Variants in CPA6 observed in about 807,000 individuals in gnomAD.
CPA6 encodes carboxypeptidase A6, also known as carboxypeptidase B.
Under a neutral mutation model 63.3 loss-of-function variants are expected in CPA6, and 58 were observed. That is an observed-to-expected ratio of 0.92 (90% confidence interval 0.74 to 1.14). The LOEUF (loss-of-function observed/expected upper bound fraction) is 1.14, where lower values mean the gene tolerates loss of function less well. Among genes scored for constraint, CPA6 ranks in the 50% most tolerant of loss-of-function variants. The pLI is 0.00. For synonymous variants in CPA6, 185 were observed against 179.0 expected (o/e 1.03, Z -0.27); for missense variants, 565 against 526.6 (o/e 1.07, Z -0.71).
chr8:67,718,900 CT>C (rs1172028874), intron 1 of CPA6, among the ~76,000 whole-genome samples: 17 of 152,124 alleles, frequency 1.1e-4, no homozygotes, highest in Non-Finnish European at 1.9e-4. Context: ...CCACCTCGGC[CT>C]CCTGAAGTGC....
intron 9 of CPA6, 103 bp from the exon 10 acceptor site, chr8:67,428,234 T>A: frequency 1.6e-6 from 1 of 641,540 alleles, no homozygotes; most frequent in Admixed American, 2.8e-5. Context: ...ATGGCTTCAT[T>A]GGTTAAGATC....
intron 2 of CPA6, among the ~76,000 whole-genome samples, chr8:67,610,658 TGTCTATGGCGAA>T (rs1260206553): frequency 6.6e-6 from 1 of 152,198 alleles, no homozygotes; most frequent in African/African-American, 2.4e-5. Context: ...GAACCATGTT[TGTCTATGGCGAA>T]GTTCCAGCTT....
intron 2 of CPA6, among the ~76,000 whole-genome samples, chr8:67,592,697 G>T (rs1358277166): frequency 6.6e-6 from 1 of 152,114 alleles, no homozygotes; most frequent in Non-Finnish European, 1.5e-5. Flanking sequence ...AGTATTCTCT[G>T]ATGGTAGTTT....
intron 6 of CPA6, among the ~76,000 whole-genome samples, chr8:67,503,999 C>T (rs917675418): frequency 9.2e-5 from 14 of 152,084 alleles, no homozygotes; most frequent in Admixed American, 7.9e-4. Context: ...AGAACACATG[C>T]GTTGTATTAT....
At chr8:67,633,837 C>A (rs1318702678) in intron 1 of CPA6, among the ~76,000 whole-genome samples, 7 of 152,064 alleles carry the variant, frequency 4.6e-5, no homozygotes, top group Admixed American at 4.6e-4. Context: ...TGTAATTTGT[C>A]CCCTTGAACA....
intron 8 of CPA6, among the ~76,000 whole-genome samples, chr8:67,461,627 A>T (rs1438873305): frequency 6.6e-6 from 1 of 152,028 alleles, no homozygotes; most frequent in Non-Finnish European, 1.5e-5. Context: ...CTCACTTCCC[A>T]GTAGGGGCGG....
At chr8:67,547,196 G>A (rs1007757608) in intron 2 of CPA6, among the ~76,000 whole-genome samples, 2 of 151,938 alleles carry the variant, frequency 1.3e-5, no homozygotes, top group Non-Finnish European at 2.9e-5. Flanking sequence ...ACAGGCGCCC[G>A]CCACCACGCC....
intron 2 of CPA6, among the ~76,000 whole-genome samples, chr8:67,607,838 A>C (rs1316109252): frequency 1.3e-5 from 2 of 152,146 alleles, no homozygotes; most frequent in African/African-American, 4.8e-5. Context: ...TTAAGATAGC[A>C]CTCTATTTCA....
chr8:67,678,225 TCTCACACACA>T (rs1391801331), intron 1 of CPA6, among the ~76,000 whole-genome samples: 152 of 143,062 alleles, frequency 1.1e-3, no homozygotes, highest in African/African-American at 3.8e-3. Flanking sequence ...TAAAACTCTG[TCTCACACACA>T]CACACACACA....
intron 6 of CPA6, among the ~76,000 whole-genome samples, chr8:67,492,959 A>G (rs2128962611): frequency 6.6e-6 from 1 of 152,288 alleles, no homozygotes; most frequent in South Asian, 2.1e-4. Context: ...GAACATAGGG[A>G]ACTAACGGTA....
chr8:67,612,058 G>A (rs1454552274), intron 2 of CPA6, among the ~76,000 whole-genome samples: 2 of 152,144 alleles, frequency 1.3e-5, no homozygotes, highest in Admixed American at 6.5e-5. Context: ...CAAATTATTG[G>A]TGTGTCTGTT....
rs371787488 is a variant in CPA6, at chr8:67,428,087, G to A, written c.1086C>T (p.Tyr362=). The A allele has an allele frequency of 5.7e-5, 92 of 1,612,984 alleles. No individual in the cohort carries two copies. The highest frequency in any genetic ancestry group is 5.0e-4 in the Middle Eastern group (3 of 6,058). The change falls in exon 10 of 11, where the codon TAC becomes TAT. Residue 362 remains tyrosine, a synonymous_variant. Coordinates refer to ENST00000297770, the MANE Select transcript of CPA6 (RefSeq NM_020361.5). Reference sequence around the variant, plus strand: ...CTGGTCCATATCTGTATCGTACCCCGTATACTGACTGAAGTGCATTCACAG... The same window carrying A: ...CTGGTCCATATCTGTATCGTACCCCATATACTGACTGAAGTGCATTCACAG... ...YKAVNALQSV[Y]GVRYRYGPAS...
chr8:67,556,898 T>C (rs1002573693), intron 2 of CPA6, among the ~76,000 whole-genome samples: 1 of 152,206 alleles, frequency 6.6e-6, no homozygotes, highest in Non-Finnish European at 1.5e-5. Context: ...GTGAGGAGAA[T>C]AGGACTCTTT....
At chr8:67,593,393 T>C (rs1202278137) in intron 2 of CPA6, among the ~76,000 whole-genome samples, 1 of 152,166 alleles carries the variant, frequency 6.6e-6, no homozygotes, top group Non-Finnish European at 1.5e-5. Flanking sequence ...TGTAGATGTC[T>C]ATTAGGTCCG....
chr8:67,564,858 A>G (rs1457082227), intron 2 of CPA6, among the ~76,000 whole-genome samples: 1 of 152,218 alleles, frequency 6.6e-6, no homozygotes, highest in Non-Finnish European at 1.5e-5. Flanking sequence ...TGATCAAAAC[A>G]TTCAGCTGCA....
intron 1 of CPA6, among the ~76,000 whole-genome samples, chr8:67,647,464 C>T (rs1245174152): frequency 6.6e-6 from 1 of 151,956 alleles, no homozygotes. Context: ...GTGCATAACA[C>T]CATGCCTGGA....
chr8:67,489,538 G>C (rs560896187), intron 6 of CPA6, among the ~76,000 whole-genome samples: 2 of 151,954 alleles, frequency 1.3e-5, no homozygotes, highest in African/African-American at 4.8e-5. Context: ...TTCTGACACT[G>C]TATTACAGTT....
chr8:67,721,231 A>C (rs986718222), intron 1 of CPA6, among the ~76,000 whole-genome samples: 2 of 152,332 alleles, frequency 1.3e-5, no homozygotes, highest in East Asian at 1.9e-4. Flanking sequence ...TTGTTGTATG[A>C]CATCTGGTAC....
intron 6 of CPA6, among the ~76,000 whole-genome samples, chr8:67,502,009 T>C (rs1811838863): frequency 6.6e-6 from 1 of 152,244 alleles, no homozygotes; most frequent in Non-Finnish European, 1.5e-5. Flanking sequence ...GTCTACGTTG[T>C]CAAATTTACA....
Sources: gnomAD v4.1 joint callset for allele counts (sites outside exome capture counted in the v4.1 genomes callset) on GRCh38, gnomAD v4.1.1 for gene constraint, MANE v1.5 for transcripts, NCBI Gene and HGNC (gene_info 2026-07-23, HGNC 2026-07-21) for gene names.